Variants in CFAP299 observed in about 807,000 individuals in gnomAD.
CFAP299 encodes the protein cilia- and flagella-associated protein 299.
A neutral mutation model predicts 27.0 loss-of-function variants in CFAP299; 21 were observed. The observed-to-expected ratio is 0.78, with a 90% CI of 0.55 to 1.12. The LOEUF (loss-of-function observed/expected upper bound fraction) is 1.12. Among genes scored for constraint, CFAP299 ranks in the 50% most tolerant of loss-of-function variants. The pLI is 0.00. For missense variants in CFAP299, 310 were observed against 276.6 expected (o/e 1.12, Z -0.86); for synonymous variants, 104 against 98.1 (o/e 1.06, Z -0.36).
At chr4:80,466,302 A>G (rs1013874643) in intron 2 of CFAP299, among the ~76,000 whole-genome samples, 2 of 152,206 alleles carry the variant, frequency 1.3e-5, no homozygotes, top group East Asian at 1.9e-4. Flanking sequence ...AAAAGGAAAT[A>G]TAAGTCATGG....
chr4:80,799,264 TATA>T (rs1257979343), intron 3 of CFAP299, among the ~76,000 whole-genome samples: 5 of 112,536 alleles, frequency 4.4e-5, no homozygotes, highest in East Asian at 2.3e-4. Context: ...AATATATTTA[TATA>T]ATATTTATAT....
At chr4:80,649,127 G>A (rs530048354) in intron 3 of CFAP299, 1 of 152,300 alleles carries the variant, frequency 6.6e-6, no homozygotes, top group African/African-American at 2.4e-5. Flanking sequence ...GACTAACAAA[G>A]GGCGATAGGA....
chr4:80,674,159 C>G (rs1295391501), intron 3 of CFAP299, among the ~76,000 whole-genome samples: 1 of 152,122 alleles, frequency 6.6e-6, no homozygotes, highest in African/African-American at 2.4e-5. Flanking sequence ...GTGGCTGGTA[C>G]TGGTGTTTAC....
intron 3 of CFAP299, among the ~76,000 whole-genome samples, chr4:80,771,647 C>T (rs1460764553): frequency 1.3e-5 from 2 of 152,052 alleles, no homozygotes; most frequent in African/African-American, 2.4e-5. Flanking sequence ...TGTGATGGCC[C>T]CTAGGTAGTG....
At chr4:80,885,206 T>C (rs1031112901) in intron 4 of CFAP299, among the ~76,000 whole-genome samples, 2 of 152,144 alleles carry the variant, frequency 1.3e-5, no homozygotes, top group Non-Finnish European at 2.9e-5. Context: ...ATCCCAGCAA[T>C]TGGAACCTGA....
intron 3 of CFAP299, among the ~76,000 whole-genome samples, chr4:80,814,520 A>G (rs1175555100): frequency 6.6e-6 from 1 of 151,098 alleles, no homozygotes. Flanking sequence ...CAAGAAATCA[A>G]CTCCCTAGTG....
intron 1 of CFAP299, among the ~76,000 whole-genome samples, chr4:80,339,803 T>A (rs952864289): frequency 6.6e-6 from 1 of 152,234 alleles, no homozygotes; most frequent in Non-Finnish European, 1.5e-5. Context: ...ATTCTTCTAT[T>A]TAAATAAACA....
chr4:80,763,995 TAAA>T (rs1725697706), intron 3 of CFAP299, among the ~76,000 whole-genome samples: 1 of 152,014 alleles, frequency 6.6e-6, no homozygotes, highest in Admixed American at 6.6e-5. Context: ...CCTAAAACCA[TAAA>T]AACCCTAGAA....
intron 3 of CFAP299, among the ~76,000 whole-genome samples, chr4:80,768,123 T>C (rs928671779): frequency 1.3e-5 from 2 of 152,200 alleles, no homozygotes; most frequent in Non-Finnish European, 2.9e-5. Context: ...TCAACATTAT[T>C]GGCATCCATT....
intron 3 of CFAP299, among the ~76,000 whole-genome samples, chr4:80,636,137 G>A (rs1739456707): frequency 6.6e-6 from 1 of 152,052 alleles, no homozygotes; most frequent in Non-Finnish European, 1.5e-5. Context: ...AAAAAATAAA[G>A]CTTTCTCTGA....
chr4:80,482,537 G>T (rs566305982), intron 2 of CFAP299, among the ~76,000 whole-genome samples: 1 of 152,214 alleles, frequency 6.6e-6, no homozygotes, highest in East Asian at 1.9e-4. Context: ...AAACAAAGCA[G>T]TAGAGAATAG....
intron 3 of CFAP299, among the ~76,000 whole-genome samples, chr4:80,818,936 T>C (rs1729559866): frequency 2.0e-5 from 3 of 152,116 alleles, no homozygotes; most frequent in Admixed American, 2.0e-4. Context: ...AAATAACTTC[T>C]CAGTGTTATA....
upstream of CFAP299, among the ~76,000 whole-genome samples, chr4:80,331,865 G>A (rs1315503238): frequency 6.6e-6 from 1 of 152,124 alleles, no homozygotes; most frequent in Non-Finnish European, 1.5e-5. Context: ...GTGGGTGAGA[G>A]CTCCAAGTAA....
chr4:80,608,477 C>A, intron 3 of CFAP299: 1 of 662,128 alleles, frequency 1.5e-6, no homozygotes, highest in Non-Finnish European at 2.6e-6. Flanking sequence ...GCTATTGCTA[C>A]TGTTTTCCGA....
At chr4:80,655,804 C>T (rs1740525744) in intron 3 of CFAP299, among the ~76,000 whole-genome samples, 1 of 152,104 alleles carries the variant, frequency 6.6e-6, no homozygotes, top group South Asian at 2.1e-4. Flanking sequence ...AGGAGGAAAA[C>T]TGGGAAGCTG....
At chr4:80,726,917 T>C (rs1176644471) in intron 3 of CFAP299, among the ~76,000 whole-genome samples, 3 of 152,162 alleles carry the variant, frequency 2.0e-5, no homozygotes, top group Admixed American at 6.5e-5. Flanking sequence ...AGGAATACTT[T>C]CCATGATTAA....
intron 3 of CFAP299, among the ~76,000 whole-genome samples, chr4:80,830,587 G>A (rs1730248041): frequency 6.6e-6 from 1 of 152,040 alleles, no homozygotes; most frequent in Non-Finnish European, 1.5e-5. Flanking sequence ...GATCTTGTAA[G>A]CCATGTTAGG....
intron 3 of CFAP299, among the ~76,000 whole-genome samples, chr4:80,765,844 G>A (rs1049516471): frequency 8.6e-5 from 13 of 152,022 alleles, no homozygotes; most frequent in African/African-American, 2.7e-4. Context: ...ATTACGAATT[G>A]AGACCATAGA....
chr4:80,849,082 CTT>C (rs1731348006), intron 3 of CFAP299, among the ~76,000 whole-genome samples: 1 of 152,128 alleles, frequency 6.6e-6, no homozygotes, highest in Non-Finnish European at 1.5e-5. Context: ...TTTTGACTCT[CTT>C]GTAATAACAC....
Sources: gnomAD v4.1 joint callset for allele counts (sites outside exome capture counted in the v4.1 genomes callset) on GRCh38, gnomAD v4.1.1 for gene constraint, MANE v1.5 for transcripts, NCBI Gene and HGNC (gene_info 2026-07-23, HGNC 2026-07-21) for gene names.